Variants in PCDHGB2 observed in about 807,000 individuals in gnomAD.
The protein encoded by PCDHGB2 is protocadherin gamma-B2.
In PCDHGB2, 55 loss-of-function variants were observed where a neutral mutation model predicts 59.3. That is an observed-to-expected ratio of 0.93 (90% CI 0.75 to 1.16). The LOEUF (loss-of-function observed/expected upper bound fraction) is 1.16, where lower values mean the gene tolerates loss of function less well. PCDHGB2 is among the 50% of genes most tolerant of loss of function. The probability of loss-of-function intolerance (pLI) is 0.00; values close to 1 mark genes in which losing one functional copy is unlikely to be tolerated. For missense variants in PCDHGB2, 1,228 were observed against 1,198.5 expected, an observed-to-expected ratio of 1.02 and a Z score of -0.36; for synonymous variants, 516 against 512.0, an observed-to-expected ratio of 1.01 and a Z score of -0.11.
At chr5:141,376,572 A>C (rs776986338) in intron 1 of PCDHGB2, 1 of 1,600,622 alleles carries the variant, frequency 6.2e-7, no homozygotes, top group South Asian at 1.1e-5. Context: ...CTAATCAGAC[A>C]GGCTCATCAG....
chr5:141,381,826 C>CTTCTTTTTTTTT (rs1777532522), intron 1 of PCDHGB2, among the ~76,000 whole-genome samples: 2 of 74,284 alleles, frequency 2.7e-5, no homozygotes, highest in African/African-American at 1.2e-4. Flanking sequence ...CTTTCTTCTT[C>CTTCTTTTTTTTT]TTTTTTTTTT....
chr5:141,489,530 G>A lies in PCDHGB2; in HGVS notation c.2422-5277G>A. 6.2e-7 allele frequency: 1 copy of A among 1,614,092 alleles called. No homozygotes were observed. Among genetic ancestry groups the A allele is most frequent in the Non-Finnish European group, 8.5e-7 (1 of 1,180,022 alleles). On this transcript the variant is annotated intron_variant, in intron 1 of 3. Transcript: ENST00000522605. This position sits in a 1 kb window ranked among gnomAD's most constrained non-coding sequence, Gnocchi z 4.5. ...AAGATTGACCGAGAAAGCCTATGTGGAGCCAGCACCAGCTGCCTGCTGCCA... is the reference window on the plus strand; with the variant it reads ...AAGATTGACCGAGAAAGCCTATGTGAAGCCAGCACCAGCTGCCTGCTGCCA...
intron 1 of PCDHGB2, chr5:141,403,656 C>G: frequency 6.2e-7 from 1 of 1,613,894 alleles, no homozygotes. Flanking sequence ...GTGTTGGATA[C>G]AAATGATAAT....
At position 141,491,117 on chromosome 5, in the gene PCDHGB2, G is replaced by A; in HGVS notation, c.2422-3690G>A. ...CTGTTCCTCGTGTCTACACACACTGGTGAGGTGCGCACAGCCCGGGCCTTA... is the reference window on the plus strand; with the variant it reads ...CTGTTCCTCGTGTCTACACACACTGATGAGGTGCGCACAGCCCGGGCCTTA... On this transcript the variant is annotated intron_variant, in intron 1 of 3. Coordinates refer to ENST00000522605, the MANE Select transcript of PCDHGB2 (RefSeq NM_018923.3). The surrounding 1 kb of genome is among the most constrained non-coding windows in gnomAD (Gnocchi z 6.9). 1 of 1,614,196 alleles carries A rather than the reference G, an allele frequency of 6.2e-7. No homozygotes were observed.
At chr5:141,488,519 G>C (rs1210943979) in intron 1 of PCDHGB2, among the ~76,000 whole-genome samples, 1 of 152,184 alleles carries the variant, frequency 6.6e-6, no homozygotes, top group Non-Finnish European at 1.5e-5. Flanking sequence ...GGGGTCTGGG[G>C]TGTCAGAAAA....
In PCDHGB2 at chr5:141,432,002, G is replaced by A. The variant is rs781525225; in HGVS notation, c.2422-62805G>A. On this transcript the variant is annotated intron_variant, in intron 1 of 3. Transcript: ENST00000522605. This position sits in a 1 kb window ranked among gnomAD's most constrained non-coding sequence, Gnocchi z 6.0. ...AGACATAGTCTTGGATAGGGAACAG[G>A]TTCCTAGCTACAACATCACAGTGAC... The A allele has an allele frequency of 1.9e-6, 3 of 1,614,186 alleles. No homozygotes were observed. In the South Asian group the frequency reaches 3.3e-5, roughly 18 times the overall value.
intron 1 of PCDHGB2, among the ~76,000 whole-genome samples, chr5:141,433,974 C>A (rs1045247496): frequency 6.6e-6 from 1 of 152,026 alleles, no homozygotes; most frequent in Non-Finnish European, 1.5e-5. Context: ...GGCTTTCTAC[C>A]TTGAAGAAGA....
intron 1 of PCDHGB2, chr5:141,420,342 T>C: frequency 7.2e-7 from 1 of 1,388,390 alleles, no homozygotes; most frequent in Non-Finnish European, 9.6e-7. Flanking sequence ...AATATAGTGG[T>C]ATTATTTTAA....
chr5:141,371,489 C>G (rs548103153), intron 1 of PCDHGB2: 1 of 1,613,918 alleles, frequency 6.2e-7, no homozygotes, highest in Non-Finnish European at 8.5e-7. Context: ...TGGGGACTGC[C>G]GTTGCCCTGA....
intron 2 of PCDHGB2, among the ~76,000 whole-genome samples, chr5:141,496,180 GC>G (rs1054381604): frequency 1.4e-4 from 21 of 151,922 alleles, no homozygotes; most frequent in Non-Finnish European, 2.9e-4. Flanking sequence ...CATCCAAGCA[GC>G]CCCAGCTGCT....
At chr5:141,423,102 C>T (rs778561065) in intron 1 of PCDHGB2, 7 of 1,613,920 alleles carry the variant, frequency 4.3e-6, no homozygotes, top group Non-Finnish European at 4.2e-6. Context: ...AGCACACGGG[C>T]GAGGTGCGTA....
rs573580017 is a variant in PCDHGB2, at chr5:141,484,867, G to T, written c.2422-9940G>T. 33 of 282,678 alleles carry T rather than the reference G, an allele frequency of 1.2e-4. No individual in the cohort carries two copies. The South Asian group carries it at 1.6e-3, about 14-fold the overall frequency. The allele number at this position is 282,678 out of a possible 1,614,324, so 17.5% of individuals were successfully genotyped here. On this transcript the variant is annotated intron_variant, in intron 1 of 3. Transcript: ENST00000522605. ...TGGGTTTTTTGGGGGGTGGGGGAGC[G>T]TGGAGGATAGGGTGGGCTTTTTCCC...
chr5:141,421,443 GAC>G (rs771422215), intron 1 of PCDHGB2: 47 of 1,613,988 alleles, frequency 2.9e-5, no homozygotes, highest in Non-Finnish European at 3.6e-5. Context: ...CCAGAGGGAA[GAC>G]ACAGCTTTTC....
rs2099697598 is a variant in PCDHGB2 at position 141,490,236 on chromosome 5, C to T, written c.2422-4571C>T. On this transcript the variant is annotated intron_variant, in intron 1 of 3. Coordinates refer to ENST00000522605, the MANE Select transcript of PCDHGB2 (RefSeq NM_018923.3). This position sits in a 1 kb window ranked among gnomAD's most constrained non-coding sequence, Gnocchi z 5.4. ...ACCAGGGACAGCCTGCCATGGAGGG[C>T]CACTGTGTGATTCAAGTGGATGTGG... is the stretch of plus-strand genomic sequence containing the variant. 1 of 1,614,078 alleles carries T rather than the reference C, an allele frequency of 6.2e-7. No homozygotes were observed. The highest frequency in any genetic ancestry group is 1.1e-5 in the South Asian group (1 of 91,088).
Position 141,489,119 on chromosome 5 carries a change from C to T in PCDHGB2, c.2422-5688C>T, listed in dbSNP as rs1236074950. The T allele has an allele frequency of 2.0e-5, 13 of 650,240 alleles. No individual in the cohort carries two copies. Among genetic ancestry groups the T allele is most frequent in the African/African-American group, 9.1e-5 (5 of 55,178 alleles). 40.3% of individuals were successfully genotyped at this position (650,240 alleles called of 1,614,324 possible). ...GAACTGCTGCAAGCAGGCAAACCTC[C>T]GAGCAGTTTTTAAGAGGCTGGAAGG... On this transcript the variant is annotated intron_variant, in intron 1 of 3. Coordinates refer to ENST00000522605, the MANE Select transcript of PCDHGB2 (RefSeq NM_018923.3). This position sits in a 1 kb window ranked among gnomAD's most constrained non-coding sequence, Gnocchi z 4.5.
In PCDHGB2 at chr5:141,431,019, C is replaced by A. The variant is rs1368671750; in HGVS notation, c.2422-63788C>A. 1 of 1,613,488 alleles carries A rather than the reference C, an allele frequency of 6.2e-7. No individual in the cohort carries two copies. The highest frequency in any genetic ancestry group is 1.7e-5 in the Admixed American group (1 of 59,968). ...CCGCGCAGCGGCAGCTTGGTCACGG[C>A]GGGCAGGATAGACCGGGAGGAGCTC... On this transcript the variant is annotated intron_variant, in intron 1 of 3. Transcript: ENST00000522605. The surrounding 1 kb of genome is among the most constrained non-coding windows in gnomAD (Gnocchi z 4.8).
At chr5:141,363,540 C>T (rs1762965005) in intron 1 of PCDHGB2, among the ~76,000 whole-genome samples, 1 of 152,204 alleles carries the variant, frequency 6.6e-6, no homozygotes, top group Admixed American at 6.5e-5. Context: ...ACTGGAACTA[C>T]AAATATTTGA....
chr5:141,364,009 G>C (rs1763143334), intron 1 of PCDHGB2, among the ~76,000 whole-genome samples: 1 of 152,092 alleles, frequency 6.6e-6, no homozygotes, highest in Non-Finnish European at 1.5e-5. Context: ...CATAAACAAC[G>C]CTACACAGTT....
chr5:141,360,395 G>A lies in PCDHGB2; in HGVS notation c.260G>A (p.Ser87Asn). 1 of 1,613,930 alleles carries A rather than the reference G, an allele frequency of 6.2e-7. No homozygotes were observed. The highest frequency in any genetic ancestry group is 1.1e-5 in the South Asian group (1 of 91,086). The change falls in exon 1 of 4, where the codon AGT becomes AAT. Residue 87 changes from serine to asparagine, a missense_variant. Physicochemically the swap from Ser to Asn is conservative, Grantham distance 46. Transcript: ENST00000522605. Reference sequence around the variant, plus strand: ...CCAGAAAGCGGAGACTTACTTGTGAGTGACAGAATAGACCGAGAACAGATA... The same window carrying A: ...CCAGAAAGCGGAGACTTACTTGTGAATGACAGAATAGACCGAGAACAGATA... ...VNPESGDLLV[S>N]DRIDREQICG...
Sources: allele counts gnomAD v4.1 joint callset (sites outside exome capture counted in the v4.1 genomes callset), GRCh38; gene constraint gnomAD v4.1.1; non-coding constraint Gnocchi (gnomAD v3.1); transcripts MANE v1.5; gene names NCBI Gene and HGNC (gene_info 2026-07-23, HGNC 2026-07-21).